The following RBMS3 variants were observed in gnomAD, a reference collection of about 807,000 sequenced individuals.
RBMS3 encodes the protein RNA binding motif single stranded interacting protein 3, also known as RNA-binding motif, single-stranded-interacting protein 3.
A neutral mutation model predicts 66.8 loss-of-function variants in RBMS3; 27 were observed. That is an observed-to-expected ratio of 0.40 (90% CI 0.30 to 0.56). The LOEUF (loss-of-function observed/expected upper bound fraction) is 0.56, where lower values mean the gene tolerates loss of function less well. RBMS3 is among the 20% of genes least tolerant of loss of function. RBMS3 has a pLI of 0.40. For missense variants in RBMS3, 513 were observed against 549.5 expected, an observed-to-expected ratio of 0.93 and a Z score of 0.66; for synonymous variants, 188 against 183.0, an observed-to-expected ratio of 1.03 and a Z score of -0.22.
At position 30,008,369 on chromosome 3, in the gene RBMS3, T is replaced by C. The variant is rs1242684641; in HGVS notation, c.*4507T>C. On this transcript the variant is annotated 3_prime_UTR_variant, in exon 15 of 15. Transcript: ENST00000383767. ...CTCAAGTGGGTTTCACTAATAAATG[T>C]TTTTTTATATGATTTGAAATCAAGT... 1 of 151,284 alleles carries C rather than the reference T, an allele frequency of 6.6e-6. No individual in the cohort carries two copies. Among genetic ancestry groups the C allele is most frequent in the Non-Finnish European group, 1.5e-5 (1 of 67,978 alleles). 9.4% of individuals were successfully genotyped at this position (151,284 alleles called of 1,614,324 possible).
At chr3:29,454,102 C>G (rs1368705413) in intron 2 of RBMS3, among the ~76,000 whole-genome samples, 1 of 152,194 alleles carries the variant, frequency 6.6e-6, no homozygotes, top group Admixed American at 6.5e-5. Context: ...GCCAGAACTT[C>G]TGGACCTTGA....
intron 4 of RBMS3, among the ~76,000 whole-genome samples, chr3:29,662,829 C>T (rs564995625): frequency 6.6e-6 from 1 of 152,246 alleles, no homozygotes; most frequent in South Asian, 2.1e-4. Flanking sequence ...AAAGCTTGTG[C>T]TGCCCATCTT....
intron 6 of RBMS3, among the ~76,000 whole-genome samples, chr3:29,815,064 G>A (rs2057844474): frequency 1.3e-5 from 2 of 152,248 alleles, no homozygotes; most frequent in South Asian, 2.1e-4. Context: ...GTCTATCCAG[G>A]CACAATTGAT....
At chr3:29,627,337 CAG>C (rs1314648207) in intron 4 of RBMS3, among the ~76,000 whole-genome samples, 2 of 151,666 alleles carry the variant, frequency 1.3e-5, no homozygotes, top group Admixed American at 6.6e-5. Flanking sequence ...AACTTTAAAG[CAG>C]AGTTTCCTAA....
intron 2 of RBMS3, among the ~76,000 whole-genome samples, chr3:29,449,857 TGTTA>T (rs2125757300): frequency 6.6e-6 from 1 of 152,350 alleles, no homozygotes; most frequent in South Asian, 2.1e-4. Flanking sequence ...GGTATTTATA[TGTTA>T]GTTTGTGACA....
intron 2 of RBMS3, among the ~76,000 whole-genome samples, chr3:29,451,991 GA>G (rs150444560): frequency 0.028 from 4,317 of 152,292 alleles, 153 homozygotes; most frequent in Admixed American, 0.11. Context: ...TGAGTGTTAT[GA>G]GGGATATTTT....
rs894151947 is a variant in RBMS3, at chr3:29,506,355, A to G, written c.307+17856A>G. 9.5e-4 allele frequency among the ~76,000 whole-genome samples: 145 copies of G among 151,864 alleles called. 1 individual carries two copies. Among genetic ancestry groups the G allele is most frequent in the Non-Finnish European group, 1.3e-3 (89 of 67,826 alleles). ...GATTATCATATGGTTTTTGTCCTTC[A>G]TTCTGTTAAGGTGATTTATCATATT... On this transcript the variant is annotated intron_variant, in intron 3 of 14. Transcript: ENST00000383767.
intron 6 of RBMS3, among the ~76,000 whole-genome samples, chr3:29,862,355 G>T (rs1197744840): frequency 1.3e-5 from 2 of 152,118 alleles, no homozygotes; most frequent in Non-Finnish European, 2.9e-5. Context: ...CTATAACTAA[G>T]TGCAAAATGC....
intron 5 of RBMS3, among the ~76,000 whole-genome samples, chr3:29,758,343 T>C (rs1428044460): frequency 6.6e-6 from 1 of 152,212 alleles, no homozygotes; most frequent in African/African-American, 2.4e-5. Context: ...GCTCATCCAC[T>C]AACTAGTTTT....
At position 30,005,582 on chromosome 3, in the gene RBMS3, C is replaced by A. The variant is rs189917996; in HGVS notation, c.*1720C>A. 6.6e-6 allele frequency: 1 copy of A among 151,942 alleles called. No homozygotes were observed. Among genetic ancestry groups the A allele is most frequent in the Non-Finnish European group, 1.5e-5 (1 of 67,818 alleles). 9.4% of individuals were successfully genotyped at this position (151,942 alleles called of 1,614,324 possible). On this transcript the variant is annotated 3_prime_UTR_variant, in exon 15 of 15. Transcript: ENST00000383767. The stretch of plus-strand genomic sequence containing the variant: ...CATTGTATTTGAACAATAGTCTTCC[C>A]TCTAAATTACAACACCTCTGGGTTT...
chr3:29,385,909 T>C (rs1257845675), intron 1 of RBMS3, among the ~76,000 whole-genome samples: 1 of 152,210 alleles, frequency 6.6e-6, no homozygotes, highest in Non-Finnish European at 1.5e-5. Flanking sequence ...AATCTCATTA[T>C]GAACTATGGC....
chr3:29,622,893 G>C (rs946007491), intron 4 of RBMS3, among the ~76,000 whole-genome samples: 5 of 152,114 alleles, frequency 3.3e-5, no homozygotes, highest in African/African-American at 4.8e-5. Flanking sequence ...AAGGCGGTTG[G>C]ATCACGAGGT....
Position 30,006,087 on chromosome 3 carries a change from G to A in RBMS3, c.*2225G>A, listed in dbSNP as rs1223993990. ...TGAACCATTCACTAGATTGCTTTCT[G>A]AATGAATCCTTTGAATCAAATAGGT... On this transcript the variant is annotated 3_prime_UTR_variant, in exon 15 of 15. Transcript: ENST00000383767. 1 of 151,852 alleles carries A rather than the reference G, an allele frequency of 6.6e-6. No homozygotes were observed. Among genetic ancestry groups the A allele is most frequent in the Non-Finnish European group, 1.5e-5 (1 of 67,844 alleles). The allele number at this position is 151,852 out of a possible 1,614,324, so 9.4% of individuals were successfully genotyped here. A position where few individuals can be genotyped will look rare whatever the true frequency, so the allele number is the denominator to read the frequency against.
chr3:29,913,836 C>A (rs1048349175), intron 10 of RBMS3, among the ~76,000 whole-genome samples: 1 of 151,866 alleles, frequency 6.6e-6, no homozygotes, highest in East Asian at 1.9e-4. Flanking sequence ...TCAATCAATA[C>A]TGAAAAAATC....
In RBMS3 at chr3:30,005,592, C is replaced by G. The variant is rs1178199065; in HGVS notation, c.*1730C>G. ...GAACAATAGTCTTCCCTCTAAATTA[C>G]AACACCTCTGGGTTTTGTCTTTACA... is the stretch of plus-strand genomic sequence containing the variant. On this transcript the variant is annotated 3_prime_UTR_variant, in exon 15 of 15. Transcript: ENST00000383767. 1 of 151,884 alleles carries G rather than the reference C, an allele frequency of 6.6e-6. No homozygotes were observed. Among genetic ancestry groups the G allele is most frequent in the Non-Finnish European group, 1.5e-5 (1 of 67,832 alleles). The allele number at this position is 151,884 out of a possible 1,614,324, so 9.4% of individuals were successfully genotyped here. A position where few individuals can be genotyped will look rare whatever the true frequency, so the allele number is the denominator to read the frequency against.
chr3:29,734,047 A>C (rs970216171), intron 4 of RBMS3, among the ~76,000 whole-genome samples: 1 of 152,056 alleles, frequency 6.6e-6, no homozygotes, highest in Admixed American at 6.6e-5. Flanking sequence ...CACACAGTGG[A>C]ATACTATTTA....
intron 3 of RBMS3, among the ~76,000 whole-genome samples, chr3:29,509,569 A>G (rs1000795030): frequency 6.6e-6 from 1 of 152,144 alleles, no homozygotes; most frequent in African/African-American, 2.4e-5. Context: ...AATGTCTCAC[A>G]TGTCATCCCT....
chr3:30,003,831 C>A, intron 14 of RBMS3, 25 bp from the exon 15 acceptor site: 1 of 1,399,012 alleles, frequency 7.1e-7, no homozygotes. Flanking sequence ...ATTTAATGAC[C>A]ACTCTTATTC....
intron 4 of RBMS3, among the ~76,000 whole-genome samples, chr3:29,695,181 T>C (rs2052209721): frequency 1.3e-5 from 2 of 152,164 alleles, no homozygotes; most frequent in African/African-American, 2.4e-5. Flanking sequence ...GCAGACTATC[T>C]AGAAGCAATG....
Sources: gnomAD v4.1 joint callset for allele counts (sites outside exome capture counted in the v4.1 genomes callset) on GRCh38, gnomAD v4.1.1 for gene constraint, MANE v1.5 for transcripts, NCBI Gene and HGNC (gene_info 2026-07-23, HGNC 2026-07-21) for gene names.